Variants in CAMTA1 observed in about 807,000 individuals in gnomAD.
CAMTA1 encodes the protein calmodulin binding transcription activator 1.
In CAMTA1, 27 loss-of-function variants were observed where a neutral mutation model predicts 170.9. The ratio of observed to expected loss-of-function variants is 0.16; its 90% CI spans 0.12 to 0.22. CAMTA1 has a LOEUF of 0.22. Among genes scored for constraint, CAMTA1 ranks in the 10% least tolerant of loss-of-function variants. CAMTA1 has a pLI of 1.00. For missense variants in CAMTA1, 1,619 were observed against 2,217.2 expected (o/e 0.73, Z 5.42); for synonymous variants, 833 against 891.5 (o/e 0.93, Z 1.17).
Position 7,767,039 on chromosome 1 carries a change from C to T in CAMTA1, c.*548C>T, listed in dbSNP as rs1015660637. Reference sequence around the variant, plus strand: ...TATTGGGTCCGTGTGTTCTCATTTCCTTCACTGTTTATTTTTGTTTGTTTG... The same window carrying T: ...TATTGGGTCCGTGTGTTCTCATTTCTTTCACTGTTTATTTTTGTTTGTTTG... On this transcript the variant is annotated 3_prime_UTR_variant, in exon 23 of 23. Coordinates refer to ENST00000303635, the MANE Select transcript of CAMTA1 (RefSeq NM_015215.4). 2 of 152,682 alleles carry T rather than the reference C, an allele frequency of 1.3e-5. No homozygotes were observed. Among genetic ancestry groups the T allele is most frequent in the African/African-American group, 2.4e-5 (1 of 41,372 alleles). 9.5% of individuals were successfully genotyped at this position (152,682 alleles called of 1,614,324 possible).
rs1289497939 is a variant in CAMTA1 at position 6,971,392 on chromosome 1, TG to T, written c.235-119911del. On this transcript the variant is annotated intron_variant, in intron 3 of 22. Coordinates refer to ENST00000303635, the MANE Select transcript of CAMTA1 (RefSeq NM_015215.4). The surrounding 1 kb of genome is among the most constrained non-coding windows in gnomAD (Gnocchi z 4.6). ...CCGTGTCATTCTGCTGCCACTTTAA[TG>T]AGGACTGAGAATAAATAGAAATCCT... Among the ~76,000 whole-genome samples, 4 of 152,240 alleles carry T rather than the reference TG, an allele frequency of 2.6e-5. No homozygotes were observed. The highest frequency in any genetic ancestry group is 9.6e-5 in the African/African-American group (4 of 41,460).
chr1:7,455,475 C>T lies in CAMTA1; in HGVS notation c.439-12355C>T, dbSNP rs1481652367. ...GAAAGCTGGTTTCAGGAATCCAACTCCTCTTAATGTCCTGGCAGACAGCTC... is the reference window on the plus strand; with the variant it reads ...GAAAGCTGGTTTCAGGAATCCAACTTCTCTTAATGTCCTGGCAGACAGCTC... On this transcript the variant is annotated intron_variant, in intron 5 of 22. Transcript: ENST00000303635. This position sits in a 1 kb window ranked among gnomAD's most constrained non-coding sequence, Gnocchi z 5.0. Among the ~76,000 whole-genome samples, 1 of 152,234 alleles carries T rather than the reference C, an allele frequency of 6.6e-6. No individual in the cohort carries two copies.
chr1:6,859,488 C>T (rs186292868), intron 3 of CAMTA1, among the ~76,000 whole-genome samples: 13 of 152,236 alleles, frequency 8.5e-5, no homozygotes, highest in African/African-American at 2.4e-4. Context: ...TTGACATATG[C>T]CCTTAGAAAT....
chr1:6,785,598 C>T lies in CAMTA1; in HGVS notation c.45+23C>T, dbSNP rs774568430. On this transcript the variant is annotated intron_variant, in intron 1 of 22. Transcript: ENST00000303635. ...AAGGTAAGAGCCGGAGCGCGAGGGG[C>T]TGGGGGGCGGCGCGGCGGGCGGCGG... The T allele has an allele frequency of 1.2e-5, 12 of 1,010,016 alleles. No homozygotes were observed. In the African/African-American group the frequency reaches 2.0e-4, roughly 17 times the overall value. 62.6% of individuals were successfully genotyped at this position (1,010,016 alleles called of 1,614,324 possible). A position where few individuals can be genotyped will look rare whatever the true frequency, so the allele number is the denominator to read the frequency against.
intron 16 of CAMTA1, among the ~76,000 whole-genome samples, chr1:7,739,016 A>C (rs1034428542): frequency 1.3e-5 from 2 of 152,206 alleles, no homozygotes; most frequent in Non-Finnish European, 2.9e-5. Context: ...ATAAATCTAA[A>C]AATTCCAGAA....
At chr1:7,590,163 G>A (rs2095344629) in intron 6 of CAMTA1, among the ~76,000 whole-genome samples, 1 of 152,176 alleles carries the variant, frequency 6.6e-6, no homozygotes, top group Non-Finnish European at 1.5e-5. Flanking sequence ...AGGCAGGGGT[G>A]AGGACATAAG....
chr1:7,101,730 GATACACAACTACAC>G (rs1642731986), intron 4 of CAMTA1, among the ~76,000 whole-genome samples: 1 of 151,620 alleles, frequency 6.6e-6, no homozygotes, highest in African/African-American at 2.4e-5. Flanking sequence ...CGTGCACATA[GATACACAACTACAC>G]ATGTACACAT....
chr1:7,702,332 A>AAAAC (rs574074910), intron 11 of CAMTA1, among the ~76,000 whole-genome samples: 85 of 152,250 alleles, frequency 5.6e-4, no homozygotes, highest in East Asian at 4.8e-3. Flanking sequence ...TGTGTCTGCC[A>AAAAC]AAACAAACAA....
chr1:6,888,939 AAAG>A (rs1260218056), intron 3 of CAMTA1, among the ~76,000 whole-genome samples: 2 of 152,130 alleles, frequency 1.3e-5, no homozygotes. Context: ...CGAATTGTTT[AAAG>A]AACTGAAACT....
In CAMTA1 at chr1:6,945,350, TTAAC is replaced by T. The variant is rs1183238247; in HGVS notation, c.234+120144_234+120147del. Among the ~76,000 whole-genome samples, 8 of 152,246 alleles carry T rather than the reference TTAAC, an allele frequency of 5.3e-5. No homozygotes were observed. In the South Asian group the frequency reaches 1.7e-3, roughly 32 times the overall value. ...TTTATAATTTTTTAATTTTAATTTTTTAACTAATTTTTTTTGTGTGTGTGTGACA... is the reference window on the plus strand; with the variant it reads ...TTTATAATTTTTTAATTTTAATTTTTTAATTTTTTTTGTGTGTGTGTGACA... On this transcript the variant is annotated intron_variant, in intron 3 of 22. Transcript: ENST00000303635.
At chr1:7,111,896 A>C (rs533135100) in intron 4 of CAMTA1, among the ~76,000 whole-genome samples, 1 of 151,224 alleles carries the variant, frequency 6.6e-6, no homozygotes, top group Non-Finnish European at 1.5e-5. Context: ...AAAAAAAAAA[A>C]AAAAAAAAAA....
At chr1:7,280,591 G>T (rs1313743576) in intron 5 of CAMTA1, among the ~76,000 whole-genome samples, 1 of 152,214 alleles carries the variant, frequency 6.6e-6, no homozygotes, top group Admixed American at 6.5e-5. Context: ...ATTGCCATGT[G>T]GCACCGGTTT....
At chr1:7,165,370 A>G (rs1648163912) in intron 4 of CAMTA1, among the ~76,000 whole-genome samples, 1 of 152,176 alleles carries the variant, frequency 6.6e-6, no homozygotes, top group South Asian at 2.1e-4. Flanking sequence ...GTATACACAT[A>G]ATCTTGATCT....
intron 5 of CAMTA1, among the ~76,000 whole-genome samples, chr1:7,438,391 A>G (rs911177380): frequency 6.6e-6 from 1 of 152,198 alleles, no homozygotes; most frequent in African/African-American, 2.4e-5. Flanking sequence ...TGAGTGAGCC[A>G]GGGTGGCCGG....
chr1:7,024,757 T>C (rs1701812879), intron 3 of CAMTA1, among the ~76,000 whole-genome samples: 1 of 152,114 alleles, frequency 6.6e-6, no homozygotes, highest in Non-Finnish European at 1.5e-5. Context: ...TTACCTCCTA[T>C]TAATAAGGAA....
chr1:7,068,503 G>A lies in CAMTA1; in HGVS notation c.235-22801G>A, dbSNP rs575820334. Among the ~76,000 whole-genome samples, 4 of 152,278 alleles carry A rather than the reference G, an allele frequency of 2.6e-5. No individual in the cohort carries two copies. The East Asian group carries it at 7.7e-4, about 29-fold the overall frequency. ...AGAGAGGACGGCCTGATCAAGGCAT[G>A]TGCTGTTGGGCCAGGCAGACCACGA... is the stretch of plus-strand genomic sequence containing the variant. On this transcript the variant is annotated intron_variant, in intron 3 of 22. Transcript: ENST00000303635.
chr1:7,560,741 C>T (rs1055544052), intron 6 of CAMTA1, among the ~76,000 whole-genome samples: 1 of 152,130 alleles, frequency 6.6e-6, no homozygotes, highest in Non-Finnish European at 1.5e-5. Flanking sequence ...CTGGCTCATG[C>T]GACTGCCTAG....
intron 3 of CAMTA1, among the ~76,000 whole-genome samples, chr1:6,851,611 G>A (rs777980408): frequency 6.6e-6 from 1 of 152,192 alleles, no homozygotes; most frequent in African/African-American, 2.4e-5. Flanking sequence ...AGGTGCGGTG[G>A]CTCACTCCTG....
At chr1:6,978,958 A>C (rs1390399722) in intron 3 of CAMTA1, among the ~76,000 whole-genome samples, 2 of 152,152 alleles carry the variant, frequency 1.3e-5, no homozygotes, top group Non-Finnish European at 2.9e-5. Context: ...TGGTGGATGC[A>C]TCGTGAACAG....
Sources: allele counts gnomAD v4.1 joint callset (sites outside exome capture counted in the v4.1 genomes callset), GRCh38; gene constraint gnomAD v4.1.1; non-coding constraint Gnocchi (gnomAD v3.1); transcripts MANE v1.5; gene names NCBI Gene and HGNC (gene_info 2026-07-23, HGNC 2026-07-21).